Variants in SREBF2 observed in about 807,000 individuals in gnomAD.
The protein encoded by SREBF2 is sterol regulatory element-binding protein 2.
Under a neutral mutation model 113.1 loss-of-function variants are expected in SREBF2, and 55 were observed. That is an observed-to-expected ratio of 0.49 (90% confidence interval 0.39 to 0.61). The LOEUF (loss-of-function observed/expected upper bound fraction) is 0.61, where lower values mean the gene tolerates loss of function less well. Among genes scored for constraint, SREBF2 ranks in the 20% least tolerant of loss-of-function variants. The pLI is 0.00. For synonymous variants in SREBF2, 593 were observed against 605.7 expected (o/e 0.98, Z 0.31); for missense variants, 1,349 against 1,487.4 (o/e 0.91, Z 1.53).
At chr22:41,850,898 G>A (rs1175670064) in intron 1 of SREBF2, among the ~76,000 whole-genome samples, 6 of 152,002 alleles carry the variant, frequency 3.9e-5, no homozygotes, top group South Asian at 4.2e-4. Flanking sequence ...CCACCACCAC[G>A]CCCAGCTAAT....
chr22:41,884,971 G>C lies in SREBF2; in HGVS notation c.2168G>C (p.Gly723Ala). Residue 723 changes from glycine (G) to alanine (A), a missense_variant, in exon 11 of 19, where the codon GGG (glycine) becomes GCG (alanine). By Grantham distance (60) the Gly-to-Ala change is moderately conservative (BLOSUM62 0). Transcript: ENST00000361204. ...GAGATCCATCTGACTGCTGCCATGG[G>C]GCTCAAGACCCGGTGTGGAGGCAAG... ...LVEIHLTAAM[G>A]LKTRCGGKLG... 1 of 1,614,182 alleles carries C rather than the reference G, an allele frequency of 6.2e-7. No individual in the cohort carries two copies. Among genetic ancestry groups the C allele is most frequent in the Non-Finnish European group, 8.5e-7 (1 of 1,180,042 alleles).
intron 12 of SREBF2, 148 bp downstream of exon 12, chr22:41,893,433 C>A: frequency 1.1e-6 from 1 of 950,644 alleles, no homozygotes; most frequent in Non-Finnish European, 1.6e-6. Flanking sequence ...TTTGTTTGAA[C>A]CAAAGCTCAG....
At chr22:41,841,057 G>T (rs1443529447) in intron 1 of SREBF2, among the ~76,000 whole-genome samples, 2 of 152,208 alleles carry the variant, frequency 1.3e-5, no homozygotes, top group Non-Finnish European at 2.9e-5. Context: ...GGGAAGGAAA[G>T]CACCTCAAGT....
At chr22:41,877,873 G>A (rs1053824907) in intron 8 of SREBF2, 69 bp from the exon 9 acceptor site, 1 of 1,515,750 alleles carries the variant, frequency 6.6e-7, no homozygotes, top group African/African-American at 1.4e-5. Flanking sequence ...ATAGTGCTGG[G>A]GTCTGTCAGG....
intron 16 of SREBF2, chr22:41,901,055 T>A: frequency 2.0e-6 from 1 of 487,974 alleles, no homozygotes; most frequent in South Asian, 1.5e-5. Flanking sequence ...CTGAAGGCCC[T>A]ATCAGGTGGG....
intron 1 of SREBF2, among the ~76,000 whole-genome samples, chr22:41,865,449 A>G (rs557171662): frequency 2.0e-4 from 30 of 152,290 alleles, no homozygotes; most frequent in Admixed American, 1.7e-3. Context: ...CCTGACTTCT[A>G]TAGGGACCAG....
chr22:41,879,411 A>C (rs9611686), intron 9 of SREBF2, among the ~76,000 whole-genome samples: 1 of 152,082 alleles, frequency 6.6e-6, no homozygotes, highest in African/African-American at 2.4e-5. Flanking sequence ...GGGACTGAGC[A>C]GGGGCGGGGC....
At chr22:41,864,009 C>T (rs909979379) in intron 1 of SREBF2, among the ~76,000 whole-genome samples, 3 of 150,696 alleles carry the variant, frequency 2.0e-5, no homozygotes, top group Non-Finnish European at 3.0e-5. Context: ...CTCAGCCTCC[C>T]GAGTAGCTGG....
intron 13 of SREBF2, among the ~76,000 whole-genome samples, chr22:41,896,294 C>A (rs1251911995): frequency 1.3e-5 from 2 of 152,210 alleles, no homozygotes; most frequent in African/African-American, 2.4e-5. Context: ...GTCCTTCTTT[C>A]ACAGAGTAAG....
At chr22:41,853,654 G>C (rs1194182225) in intron 1 of SREBF2, among the ~76,000 whole-genome samples, 1 of 152,094 alleles carries the variant, frequency 6.6e-6, no homozygotes, top group Non-Finnish European at 1.5e-5. Flanking sequence ...AAATTACATA[G>C]ATCTGTCCAG....
In SREBF2 at chr22:41,833,492, C is replaced by G; in HGVS notation, c.88+134C>G. On this transcript the variant is annotated intron_variant, in intron 1 of 18. Transcript: ENST00000361204. The surrounding 1 kb of genome is among the most constrained non-coding windows in gnomAD (Gnocchi z 4.1). ...GAAGAACCCCGTGCGCACGGTGCCCCCGGCGGTCCTCAACCCTTCCGGCGC... is the reference window on the plus strand; with the variant it reads ...GAAGAACCCCGTGCGCACGGTGCCCGCGGCGGTCCTCAACCCTTCCGGCGC... 1 of 700,734 alleles carries G rather than the reference C, an allele frequency of 1.4e-6. No homozygotes were observed. The highest frequency in any genetic ancestry group is 2.0e-5 in the South Asian group (1 of 49,320). 43.4% of individuals were successfully genotyped at this position (700,734 alleles called of 1,614,324 possible). A position where few individuals can be genotyped will look rare whatever the true frequency, so the allele number is the denominator to read the frequency against.
At chr22:41,901,146 G>C (rs913838597) in intron 16 of SREBF2, 2 of 362,406 alleles carry the variant, frequency 5.5e-6, no homozygotes, top group Admixed American at 6.8e-5. Context: ...AGGGCACCCA[G>C]CTGAAAGTGG....
intron 14 of SREBF2, among the ~76,000 whole-genome samples, chr22:41,898,147 G>C (rs191835786): frequency 3.0e-4 from 46 of 152,174 alleles, no homozygotes; most frequent in African/African-American, 1.0e-3. Flanking sequence ...TCTTACTCTT[G>C]TTGCCCAGGC....
At chr22:41,891,798 C>T (rs552644068) in intron 11 of SREBF2, among the ~76,000 whole-genome samples, 41 of 152,344 alleles carry the variant, frequency 2.7e-4, no homozygotes, top group South Asian at 8.3e-4. Flanking sequence ...CTTCTGTCCT[C>T]AGTTCCTCAC....
chr22:41,854,458 G>A (rs570718163), intron 1 of SREBF2, among the ~76,000 whole-genome samples: 9 of 151,878 alleles, frequency 5.9e-5, no homozygotes, highest in East Asian at 5.9e-4. Context: ...CACCATGCCC[G>A]GCCTGGCTTT....
At chr22:41,902,863 C>A in intron 16 of SREBF2, 107 bp from the exon 17 acceptor site, 1 of 1,254,216 alleles carries the variant, frequency 8.0e-7, no homozygotes, top group Non-Finnish European at 1.1e-6. Flanking sequence ...CACTTCCTCC[C>A]AGAGCTGCTG....
chr22:41,904,308 T>C (rs1039491256), intron 17 of SREBF2, among the ~76,000 whole-genome samples: 2 of 152,180 alleles, frequency 1.3e-5, no homozygotes, highest in African/African-American at 2.4e-5. Flanking sequence ...GACTGAGATA[T>C]AAAGGCATCA....
intron 1 of SREBF2, among the ~76,000 whole-genome samples, chr22:41,849,444 C>T (rs1271302820): frequency 1.3e-5 from 2 of 152,172 alleles, no homozygotes; most frequent in Non-Finnish European, 2.9e-5. Context: ...ATCCTCCCGC[C>T]TTAGCCTCCC....
chr22:41,876,753 T>C (rs1049555063), intron 7 of SREBF2, among the ~76,000 whole-genome samples: 9 of 152,242 alleles, frequency 5.9e-5, no homozygotes, highest in African/African-American at 1.2e-4. Context: ...TTTAACATAA[T>C]GTACAGTGCT....
Sources: allele counts gnomAD v4.1 joint callset (sites outside exome capture counted in the v4.1 genomes callset), GRCh38; gene constraint gnomAD v4.1.1; non-coding constraint Gnocchi (gnomAD v3.1); transcripts MANE v1.5; gene names NCBI Gene and HGNC (gene_info 2026-07-23, HGNC 2026-07-21).